The following RBMS1 variants were observed in gnomAD, a reference collection of about 807,000 sequenced individuals.
RBMS1 encodes RNA binding motif single stranded interacting protein 1.
A neutral mutation model predicts 62.3 loss-of-function variants in RBMS1; 17 were observed. The ratio of observed to expected loss-of-function variants is 0.27; its 90% confidence interval spans 0.19 to 0.41. The LOEUF (loss-of-function observed/expected upper bound fraction) is 0.41, where lower values mean the gene tolerates loss of function less well. Among genes scored for constraint, RBMS1 ranks in the 10% least tolerant of loss-of-function variants. The pLI is 1.00. For missense variants in RBMS1, 334 were observed against 504.5 expected (o/e 0.66, Z 3.24); for synonymous variants, 172 against 170.0 (o/e 1.01, Z -0.09).
intron 1 of RBMS1, among the ~76,000 whole-genome samples, chr2:160,379,490 T>A (rs940846155): frequency 6.6e-6 from 1 of 152,228 alleles, no homozygotes; most frequent in African/African-American, 2.4e-5. Flanking sequence ...TGGGAATACA[T>A]AGGTGCCCTG....
At chr2:160,285,639 T>TA (rs922827698) in intron 7 of RBMS1, among the ~76,000 whole-genome samples, 82 of 146,752 alleles carry the variant, frequency 5.6e-4, no homozygotes, top group South Asian at 2.1e-3. Context: ...GAGTTTTAAT[T>TA]AAAAAAAAAA....
At chr2:160,475,822 T>A (rs1490082962) in intron 1 of RBMS1, among the ~76,000 whole-genome samples, 1 of 152,006 alleles carries the variant, frequency 6.6e-6, no homozygotes, top group African/African-American at 2.4e-5. Context: ...CATATGTTAT[T>A]TTTTAAATTA....
At chr2:160,485,331 A>G (rs1026913469) in intron 1 of RBMS1, among the ~76,000 whole-genome samples, 5 of 152,192 alleles carry the variant, frequency 3.3e-5, no homozygotes, top group African/African-American at 1.2e-4. Context: ...GAAAGATTGT[A>G]GAAGAACCCT....
chr2:160,275,875 C>A (rs1159088904), intron 12 of RBMS1, among the ~76,000 whole-genome samples, 161 bp from the exon 13 acceptor site: 1 of 152,190 alleles, frequency 6.6e-6, no homozygotes, highest in Non-Finnish European at 1.5e-5. Flanking sequence ...TTTCCCTAAG[C>A]AGCTGGCATG....
At chr2:160,466,912 T>TA (rs923061635) in intron 1 of RBMS1, among the ~76,000 whole-genome samples, 1 of 152,132 alleles carries the variant, frequency 6.6e-6, no homozygotes, top group Non-Finnish European at 1.5e-5. Flanking sequence ...TCCTCTTATG[T>TA]AAAATGGGAT....
chr2:160,276,485 T>G (rs1298250198), intron 12 of RBMS1, among the ~76,000 whole-genome samples: 1 of 152,214 alleles, frequency 6.6e-6, no homozygotes, highest in Non-Finnish European at 1.5e-5. Context: ...ATCTGCCTAG[T>G]GGGCAAGATC....
At chr2:160,491,858 G>A (rs1179651616) in intron 1 of RBMS1, among the ~76,000 whole-genome samples, 1 of 152,184 alleles carries the variant, frequency 6.6e-6, no homozygotes, top group Non-Finnish European at 1.5e-5. Flanking sequence ...GAACTACACA[G>A]AGATGAATAA....
At chr2:160,348,814 G>A (rs775984961) in intron 2 of RBMS1, among the ~76,000 whole-genome samples, 1 of 152,034 alleles carries the variant, frequency 6.6e-6, no homozygotes, top group Non-Finnish European at 1.5e-5. Flanking sequence ...GAAAATTGAC[G>A]ATTCATATAA....
intron 1 of RBMS1, among the ~76,000 whole-genome samples, chr2:160,431,384 A>C (rs1174746949): frequency 6.6e-6 from 1 of 151,906 alleles, no homozygotes; most frequent in Admixed American, 6.5e-5. Flanking sequence ...CATTACCTGC[A>C]GAAGACATGC....
At chr2:160,337,586 A>C (rs975479972) in intron 2 of RBMS1, among the ~76,000 whole-genome samples, 13 of 152,298 alleles carry the variant, frequency 8.5e-5, no homozygotes, top group Non-Finnish European at 1.9e-4. Context: ...AGTGAAATGA[A>C]TTATAATATA....
intron 1 of RBMS1, among the ~76,000 whole-genome samples, chr2:160,458,846 T>C (rs1684352060): frequency 6.6e-6 from 1 of 150,534 alleles, no homozygotes; most frequent in Non-Finnish European, 1.5e-5. Context: ...TGAAGGCCAA[T>C]AATGTAAACT....
chr2:160,390,635 G>A (rs2105210078), intron 1 of RBMS1, among the ~76,000 whole-genome samples: 1 of 148,376 alleles, frequency 6.7e-6, no homozygotes, highest in Admixed American at 6.9e-5. Context: ...GGTTGAGGCT[G>A]CAGTGAGCCA....
At chr2:160,310,477 CAT>C (rs1689788506) in intron 4 of RBMS1, among the ~76,000 whole-genome samples, 1 of 152,168 alleles carries the variant, frequency 6.6e-6, no homozygotes, top group Non-Finnish European at 1.5e-5. Context: ...TGTATTGAAA[CAT>C]ATGTACGCTT....
intron 2 of RBMS1, among the ~76,000 whole-genome samples, chr2:160,325,359 T>C (rs987610893): frequency 3.3e-5 from 5 of 152,090 alleles, no homozygotes; most frequent in African/African-American, 1.2e-4. Context: ...TATACCTCAG[T>C]GAGGGGGTCG....
At chr2:160,367,460 A>T in intron 1 of RBMS1, 69 bp from the exon 2 acceptor site, 1 of 1,581,652 alleles carries the variant, frequency 6.3e-7, no homozygotes, top group South Asian at 1.2e-5. Flanking sequence ...AAATGAAGTT[A>T]CCAAGATTTA....
At chr2:160,484,937 TAGAC>T (rs1054881970) in intron 1 of RBMS1, among the ~76,000 whole-genome samples, 6 of 151,982 alleles carry the variant, frequency 3.9e-5, no homozygotes, top group African/African-American at 1.2e-4. Context: ...TTGGAAGAGA[TAGAC>T]AGAATTTTTA....
intron 10 of RBMS1, 82 bp from the exon 11 acceptor site, chr2:160,278,740 A>C (rs1184096856): frequency 1.2e-6 from 1 of 835,064 alleles, no homozygotes; most frequent in Non-Finnish European, 1.9e-6. Flanking sequence ...CAAAGGAAAT[A>C]CCTTAGTTTG....
intron 1 of RBMS1, chr2:160,402,052 G>C (rs1218534209): frequency 2.6e-4 from 39 of 152,240 alleles, no homozygotes; most frequent in Non-Finnish European, 8.8e-5. Flanking sequence ...CTGTGTCAAG[G>C]TCTCCCTAGA....
intron 1 of RBMS1, among the ~76,000 whole-genome samples, chr2:160,474,507 C>A (rs1457634411): frequency 2.0e-5 from 3 of 152,226 alleles, no homozygotes; most frequent in Non-Finnish European, 4.4e-5. Context: ...CCAGAAACAC[C>A]ACCTCTCAAT....
Sources: gnomAD v4.1 joint callset for allele counts (sites outside exome capture counted in the v4.1 genomes callset) on GRCh38, gnomAD v4.1.1 for gene constraint, MANE v1.5 for transcripts, NCBI Gene and HGNC (gene_info 2026-07-23, HGNC 2026-07-21) for gene names.